PCDH17: variants seen among roughly 807,000 people sequenced by gnomAD.
PCDH17 encodes protocadherin 17, also known as protocadherin-17.
In PCDH17, 21 loss-of-function variants were observed where a neutral mutation model predicts 67.7. That is an observed-to-expected ratio of 0.31 (90% CI 0.22 to 0.45). PCDH17 has a LOEUF of 0.45. PCDH17 is among the 20% of genes least tolerant of loss of function. The pLI is 1.00. For missense variants in PCDH17, 1,471 were observed against 1,564.8 expected, an observed-to-expected ratio of 0.94 and a Z score of 1.01; for synonymous variants, 701 against 656.7, an observed-to-expected ratio of 1.07 and a Z score of -1.03.
At chr13:57,716,864 G>A (rs1262547656) in intron 3 of PCDH17, among the ~76,000 whole-genome samples, 2 of 151,822 alleles carry the variant, frequency 1.3e-5, no homozygotes, top group Non-Finnish European at 2.9e-5. Flanking sequence ...TCAATTCCTA[G>A]GCAAGGTGTG....
In PCDH17 at chr13:57,725,118, G is replaced by A. The variant is rs768467747; in HGVS notation, c.3304G>A (p.Asp1102Asn). Residue 1102 changes from aspartate (D) to asparagine (N), a missense_variant, in exon 4 of 4, where the codon GAT becomes AAT. By Grantham distance (23) the Asp-to-Asn change is conservative (BLOSUM62 1). Coordinates refer to ENST00000377918, the MANE Select transcript of PCDH17 (RefSeq NM_001040429.3). ...ASDQMARVFA[D>N]VHSRASRDSS... Reference sequence around the variant, plus strand: ...CGATCAGATGGCAAGGGTCTTTGCAGATGTGCATTCCAGAGCCAGCCGGGA... The same window carrying A: ...CGATCAGATGGCAAGGGTCTTTGCAAATGTGCATTCCAGAGCCAGCCGGGA... 2 of 1,614,070 alleles carry A rather than the reference G, an allele frequency of 1.2e-6. No homozygotes were observed. The highest frequency in any genetic ancestry group is 2.7e-5 in the African/African-American group (2 of 74,944).
Position 57,633,328 on chromosome 13 carries a change from T to G in PCDH17, c.782T>G (p.Val261Gly), listed in dbSNP as rs765159503. The change falls in exon 1 of 4, where the codon GTG becomes GGG. Residue 261 changes from valine (V) to glycine (G), a missense_variant. This residue lies in a region of PCDH17 where 1,163 missense variants were observed against 1,230.0 expected (regional missense o/e 0.95). Transcript: ENST00000377918. The surrounding 1 kb of genome is among the most constrained non-coding windows in gnomAD (Gnocchi z 6.2). Reference sequence around the variant, plus strand: ...CCCGAGAACGCTCCGCTGGGTACAGTGGTCATCGATCTGAACGCCACCGAC... The same window carrying G: ...CCCGAGAACGCTCCGCTGGGTACAGGGGTCATCGATCTGAACGCCACCGAC... ...ELPENAPLGTVVIDLNATDAD... is the reference protein window; with the variant it reads ...ELPENAPLGTGVIDLNATDAD... 1.9e-6 allele frequency: 3 copies of G among 1,613,096 alleles called. No individual in the cohort carries two copies. The highest frequency in any genetic ancestry group is 2.5e-6 in the Non-Finnish European group (3 of 1,179,962).
chr13:57,656,996 C>T (rs551641427), intron 1 of PCDH17, among the ~76,000 whole-genome samples: 3 of 152,206 alleles, frequency 2.0e-5, no homozygotes, highest in African/African-American at 7.2e-5. Flanking sequence ...TAACAAATAG[C>T]GCTCATCTTA....
chr13:57,642,060 G>A (rs61961867), intron 1 of PCDH17, among the ~76,000 whole-genome samples: 17,786 of 151,382 alleles, frequency 0.12, 1,192 homozygotes, highest in Non-Finnish European at 0.16. Flanking sequence ...TTTTCTTTAT[G>A]TTTCTATTTA....
chr13:57,720,290 T>C (rs1955862002), intron 3 of PCDH17, among the ~76,000 whole-genome samples: 1 of 151,998 alleles, frequency 6.6e-6, no homozygotes, highest in Non-Finnish European at 1.5e-5. Context: ...TCCATTTTAA[T>C]TACATGAAAT....
intron 3 of PCDH17, among the ~76,000 whole-genome samples, chr13:57,714,595 T>A (rs1158019460): frequency 1.3e-5 from 2 of 151,756 alleles, no homozygotes; most frequent in African/African-American, 4.8e-5. Context: ...ATTCACAGTA[T>A]TATTTAAGTT....
chr13:57,670,590 A>T, intron 3 of PCDH17, among the ~76,000 whole-genome samples: 1 of 150,262 alleles, frequency 6.7e-6, no homozygotes, highest in Non-Finnish European at 1.5e-5. Context: ...ATTTTTTCCA[A>T]TTTAAATGAT....
At chr13:57,638,374 G>A (rs576092101) in intron 1 of PCDH17, among the ~76,000 whole-genome samples, 2 of 152,072 alleles carry the variant, frequency 1.3e-5, no homozygotes, top group Non-Finnish European at 2.9e-5. Context: ...TGAAGGCCTT[G>A]TAGGAAAGAG....
intron 3 of PCDH17, among the ~76,000 whole-genome samples, chr13:57,685,787 G>A (rs897572867): frequency 6.6e-6 from 1 of 151,850 alleles, no homozygotes; most frequent in Non-Finnish European, 1.5e-5. Context: ...GGAAATCACA[G>A]TAAAGTACGG....
chr13:57,675,881 G>T (rs547925945), intron 3 of PCDH17, among the ~76,000 whole-genome samples: 1 of 151,988 alleles, frequency 6.6e-6, no homozygotes, highest in African/African-American at 2.4e-5. Flanking sequence ...AGCTTGGGAA[G>T]TAGTCCAAGG....
In PCDH17 at chr13:57,661,903, T is replaced by C. The variant is rs1427162629; in HGVS notation, c.2566-4565T>C. Among the ~76,000 whole-genome samples, 4 of 152,258 alleles carry C rather than the reference T, an allele frequency of 2.6e-5. No homozygotes were observed. The East Asian group carries it at 7.7e-4, about 29-fold the overall frequency. ...TGTTTTTTGAGACAGAGTCTCACTCTGTTGCTCAATCTGGAGTGCAGATTG... is the reference window on the plus strand; with the variant it reads ...TGTTTTTTGAGACAGAGTCTCACTCCGTTGCTCAATCTGGAGTGCAGATTG... On this transcript the variant is annotated intron_variant, in intron 1 of 3. Transcript: ENST00000377918.
At chr13:57,712,602 T>C (rs1311285217) in intron 3 of PCDH17, among the ~76,000 whole-genome samples, 1 of 151,604 alleles carries the variant, frequency 6.6e-6, no homozygotes, top group Non-Finnish European at 1.5e-5. Flanking sequence ...TTTTTGATAA[T>C]GAATATGAAA....
chr13:57,630,283 T>A (rs1322358994), upstream of PCDH17, among the ~76,000 whole-genome samples: 1 of 151,708 alleles, frequency 6.6e-6, no homozygotes, highest in Non-Finnish European at 1.5e-5. Flanking sequence ...CGCATATCTT[T>A]CTCAGACTGT....
chr13:57,648,463 T>C (rs1206561692), intron 1 of PCDH17, among the ~76,000 whole-genome samples: 1 of 151,968 alleles, frequency 6.6e-6, no homozygotes. Context: ...TATTTTCAAG[T>C]TGGACATTTG....
rs1955919713 is a variant in PCDH17, at chr13:57,726,829, T to C, written c.*1535T>C. ...TATTTTAAGTGCTTCAGATGTGTGT[T>C]CCCATTATATTTTGAAAACATGAAA... On this transcript the variant is annotated 3_prime_UTR_variant, in exon 4 of 4. Coordinates refer to ENST00000377918, the MANE Select transcript of PCDH17 (RefSeq NM_001040429.3). The C allele has an allele frequency of 6.6e-6, 1 of 152,292 alleles. No individual in the cohort carries two copies. Among genetic ancestry groups the C allele is most frequent in the African/African-American group, 2.4e-5 (1 of 41,456 alleles). The allele number at this position is 152,292 out of a possible 1,614,324, so 9.4% of individuals were successfully genotyped here. A position where few individuals can be genotyped will look rare whatever the true frequency, so the allele number is the denominator to read the frequency against.
In PCDH17 at chr13:57,635,064, G is replaced by C. The variant is rs1010935604; in HGVS notation, c.2518G>C (p.Gly840Arg). Residue 840 changes from glycine to arginine, a missense_variant, in exon 1 of 4, where the codon GGG becomes CGG. Physicochemically the swap from Gly to Arg is moderately radical, Grantham distance 125. Transcript: ENST00000377918. ...CTGCCACACCAGCTTCACCGGACAA[G>C]GGACTAATGCAAGCGAGACCCCTGC... is the stretch of plus-strand genomic sequence containing the variant. The part of the protein sequence containing the change: ...AGCHTSFTGQ[G>R]TNASETPATR... 5 of 1,613,554 alleles carry C rather than the reference G, an allele frequency of 3.1e-6. No homozygotes were observed. Among genetic ancestry groups the C allele is most frequent in the Non-Finnish European group, 4.2e-6 (5 of 1,180,022 alleles).
At chr13:57,665,431 A>C (rs902554434) in intron 1 of PCDH17, among the ~76,000 whole-genome samples, 51 of 152,198 alleles carry the variant, frequency 3.4e-4, no homozygotes, top group Admixed American at 3.3e-3. Flanking sequence ...AGGAAAGCAC[A>C]TATTGCACTA....
chr13:57,671,121 AC>A (rs2138031248), intron 3 of PCDH17, among the ~76,000 whole-genome samples: 1 of 151,868 alleles, frequency 6.6e-6, no homozygotes, highest in African/African-American at 2.4e-5. Context: ...TTTTCTCCAT[AC>A]CCCCCTTTCA....
rs747258103 is a variant in PCDH17, at chr13:57,632,958, G to A, written c.412G>A (p.Glu138Lys). 6.2e-7 allele frequency: 1 copy of A among 1,613,822 alleles called. No homozygotes were observed. Among genetic ancestry groups the A allele is most frequent in the Non-Finnish European group, 8.5e-7 (1 of 1,180,002 alleles). ...NAPSFSSDQIEMDISENAAPG... is the reference protein window; with the variant it reads ...NAPSFSSDQIKMDISENAAPG... ...GCCCTCCTTCTCCTCGGACCAGATCGAAATGGACATCTCGGAGAACGCTGC... is the reference window on the plus strand; with the variant it reads ...GCCCTCCTTCTCCTCGGACCAGATCAAAATGGACATCTCGGAGAACGCTGC... Residue 138 changes from glutamate to lysine, a missense_variant, in exon 1 of 4, where the codon GAA (glutamate) becomes AAA (lysine). By Grantham distance (56) the Glu-to-Lys change is moderately conservative. Around this residue, in one of 3 missense-constraint regions of PCDH17, gnomAD observed 1,163 missense variants for 1,230.0 expected, o/e 0.95. Transcript: ENST00000377918.
Sources: gnomAD v4.1 joint callset for allele counts (sites outside exome capture counted in the v4.1 genomes callset) on GRCh38, gnomAD v4.1.1 for gene constraint, gnomAD v4.1.1 regional missense constraint, Gnocchi (gnomAD v3.1) non-coding constraint, MANE v1.5 for transcripts, NCBI Gene and HGNC (gene_info 2026-07-23, HGNC 2026-07-21) for gene names.